The following MAGI2 variants were observed in gnomAD, a reference collection of about 807,000 sequenced individuals.
MAGI2 encodes the protein membrane-associated guanylate kinase, WW and PDZ domain-containing protein 2.
In MAGI2, 35 loss-of-function variants were observed where a neutral mutation model predicts 133.3. The observed-to-expected ratio is 0.26, with a 90% CI of 0.20 to 0.35. The LOEUF (loss-of-function observed/expected upper bound fraction) is 0.35, where lower values mean the gene tolerates loss of function less well. Among genes scored for constraint, MAGI2 ranks in the 10% least tolerant of loss-of-function variants. The pLI is 1.00. For missense variants in MAGI2, 1,636 were observed against 1,863.4 expected (o/e 0.88, Z 2.25); for synonymous variants, 729 against 710.6 (o/e 1.03, Z -0.41).
At chr7:78,886,689 A>G (rs932496047) in intron 2 of MAGI2, among the ~76,000 whole-genome samples, 1 of 152,142 alleles carries the variant, frequency 6.6e-6, no homozygotes, top group African/African-American at 2.4e-5. Flanking sequence ...ATAAATTTTT[A>G]TGTAATGTTT....
intron 12 of MAGI2, among the ~76,000 whole-genome samples, chr7:78,188,946 A>AT (rs758520928): frequency 6.6e-6 from 1 of 152,134 alleles, no homozygotes; most frequent in Non-Finnish European, 1.5e-5. Context: ...AGATACTACC[A>AT]TATATGATGC....
intron 15 of MAGI2, among the ~76,000 whole-genome samples, chr7:78,160,979 A>G (rs920873246): frequency 6.6e-6 from 1 of 152,228 alleles, no homozygotes; most frequent in Admixed American, 6.5e-5. Context: ...TATCAGCCAT[A>G]TCACAATGAA....
chr7:78,504,936 ATT>A (rs1197405807), intron 4 of MAGI2, among the ~76,000 whole-genome samples: 1 of 152,058 alleles, frequency 6.6e-6, no homozygotes, highest in Non-Finnish European at 1.5e-5. Context: ...TATTAATCCT[ATT>A]TTTCTAAATA....
chr7:79,264,665 A>T (rs562173681), intron 1 of MAGI2, among the ~76,000 whole-genome samples: 9 of 152,246 alleles, frequency 5.9e-5, no homozygotes, highest in African/African-American at 2.2e-4. Context: ...CTGTTGCTAT[A>T]AAGGAATTCC....
chr7:78,126,400 G>T (rs771422711), intron 19 of MAGI2, among the ~76,000 whole-genome samples: 1 of 152,068 alleles, frequency 6.6e-6, no homozygotes, highest in Non-Finnish European at 1.5e-5. Context: ...AAATCTTTGG[G>T]CATAAAGTTG....
At chr7:78,242,818 C>T (rs1237315655) in intron 10 of MAGI2, among the ~76,000 whole-genome samples, 2 of 152,040 alleles carry the variant, frequency 1.3e-5, no homozygotes, top group East Asian at 1.9e-4. Flanking sequence ...TAGCTCATGC[C>T]TGTAATCCCA....
At chr7:79,407,840 G>GT (rs1184391510) in intron 1 of MAGI2, among the ~76,000 whole-genome samples, 1 of 151,666 alleles carries the variant, frequency 6.6e-6, no homozygotes, top group African/African-American at 2.4e-5. Flanking sequence ...ACAATTTTGG[G>GT]TTTTCATTTA....
At chr7:78,286,071 T>C (rs908573840) in intron 9 of MAGI2, among the ~76,000 whole-genome samples, 17 of 152,276 alleles carry the variant, frequency 1.1e-4, no homozygotes, top group African/African-American at 3.8e-4. Context: ...TAAGCAATAT[T>C]ACTCTTTGAA....
At position 78,708,349 on chromosome 7, in the gene MAGI2, A is replaced by G. The variant is rs530064295; in HGVS notation, c.419-81110T>C. The stretch of plus-strand genomic sequence containing the variant: ...ATTCAACTGATAAGCTCACTTCACT[A>G]TAGGTTTAGGTTGCCAATAAAATTC... On this transcript the variant is annotated intron_variant, in intron 2 of 21. Transcript: ENST00000354212. Among the ~76,000 whole-genome samples, 9 of 152,274 alleles carry G rather than the reference A, an allele frequency of 5.9e-5. No individual in the cohort carries two copies. The East Asian group carries it at 7.7e-4, about 13-fold the overall frequency.
At chr7:78,063,491 C>T (rs1477256354) in intron 21 of MAGI2, among the ~76,000 whole-genome samples, 3 of 152,314 alleles carry the variant, frequency 2.0e-5, no homozygotes, top group African/African-American at 7.2e-5. Flanking sequence ...ATCCTCCTGC[C>T]TTGGCCTCCT....
intron 9 of MAGI2, among the ~76,000 whole-genome samples, chr7:78,309,743 G>T (rs1798541342): frequency 6.6e-6 from 1 of 152,150 alleles, no homozygotes; most frequent in South Asian, 2.1e-4. Context: ...ATAGAACCTG[G>T]AATTAAGAGC....
At chr7:78,673,705 G>C (rs184433358) in intron 2 of MAGI2, among the ~76,000 whole-genome samples, 100 of 152,180 alleles carry the variant, frequency 6.6e-4, no homozygotes, top group African/African-American at 2.1e-3. Context: ...GCGGCGGGGA[G>C]GGGGGCAGGC....
intron 1 of MAGI2, among the ~76,000 whole-genome samples, chr7:79,398,264 C>T (rs1240855428): frequency 6.6e-6 from 1 of 152,130 alleles, no homozygotes; most frequent in Non-Finnish European, 1.5e-5. Context: ...ATTTTTACAC[C>T]AAAATCTTTT....
At chr7:79,196,285 T>C (rs1398248559) in intron 1 of MAGI2, among the ~76,000 whole-genome samples, 4 of 151,842 alleles carry the variant, frequency 2.6e-5, no homozygotes, top group African/African-American at 9.7e-5. Flanking sequence ...CTGAAAAAGT[T>C]ATACAAATAT....
At chr7:78,084,161 T>A (rs553338520) in intron 20 of MAGI2, among the ~76,000 whole-genome samples, 1 of 152,230 alleles carries the variant, frequency 6.6e-6, no homozygotes, top group African/African-American at 2.4e-5. Flanking sequence ...TAACTAGGTA[T>A]GAGGAATTGA....
chr7:78,189,518 T>C (rs2150721058), intron 12 of MAGI2, among the ~76,000 whole-genome samples: 1 of 152,328 alleles, frequency 6.6e-6, no homozygotes, highest in South Asian at 2.1e-4. Context: ...TTGACATTTT[T>C]ATGATTCTAC....
intron 6 of MAGI2, among the ~76,000 whole-genome samples, chr7:78,404,170 G>A (rs1001829371): frequency 6.6e-6 from 1 of 152,064 alleles, no homozygotes; most frequent in African/African-American, 2.4e-5. Context: ...AATAAAAGAG[G>A]ACACAAACAA....
intron 14 of MAGI2, among the ~76,000 whole-genome samples, chr7:78,176,656 G>A (rs1387509932): frequency 6.6e-6 from 1 of 152,032 alleles, no homozygotes; most frequent in Non-Finnish European, 1.5e-5. Context: ...TTCTCCTGAA[G>A]ATTTCTGCCC....
intron 18 of MAGI2, among the ~76,000 whole-genome samples, chr7:78,132,385 C>T (rs1023495114): frequency 1.3e-5 from 2 of 152,362 alleles, no homozygotes; most frequent in South Asian, 4.1e-4. Context: ...TAGCAGTCCT[C>T]AGCTGAAGAC....
Sources: gnomAD v4.1 joint callset for allele counts (sites outside exome capture counted in the v4.1 genomes callset) on GRCh38, gnomAD v4.1.1 for gene constraint, MANE v1.5 for transcripts, NCBI Gene and HGNC (gene_info 2026-07-23, HGNC 2026-07-21) for gene names.